The following FSTL5 variants were observed in gnomAD, a reference collection of about 807,000 sequenced individuals.
The protein encoded by FSTL5 is follistatin-related protein 5.
FSTL5 carries 62 observed loss-of-function variants against 89.1 expected under a neutral mutation model. The ratio of observed to expected loss-of-function variants is 0.70; its 90% CI spans 0.57 to 0.86. The LOEUF (loss-of-function observed/expected upper bound fraction) is 0.86, where lower values mean the gene tolerates loss of function less well. Among genes scored for constraint, FSTL5 ranks in the 40% least tolerant of loss-of-function variants. The probability of loss-of-function intolerance (pLI) is 0.00; values close to 1 mark genes in which losing one functional copy is unlikely to be tolerated. For missense variants in FSTL5, 1,057 were observed against 1,001.6 expected, an observed-to-expected ratio of 1.06 and a Z score of -0.75; for synonymous variants, 383 against 346.2, an observed-to-expected ratio of 1.11 and a Z score of -1.18.
intron 4 of FSTL5, among the ~76,000 whole-genome samples, chr4:161,843,781 C>T (rs546121188): frequency 6.6e-6 from 1 of 152,110 alleles, no homozygotes; most frequent in African/African-American, 2.4e-5. Flanking sequence ...ACACCTTTTA[C>T]AAAAATTAAC....
At chr4:161,881,226 T>C (rs1362024225) in intron 4 of FSTL5, among the ~76,000 whole-genome samples, 1 of 149,586 alleles carries the variant, frequency 6.7e-6, no homozygotes, top group Non-Finnish European at 1.5e-5. Context: ...AATATTTTAA[T>C]AAATCTAGTT....
intron 6 of FSTL5, among the ~76,000 whole-genome samples, chr4:161,736,152 T>C (rs1158586321): frequency 5.9e-5 from 9 of 152,236 alleles, no homozygotes; most frequent in Non-Finnish European, 1.0e-4. Flanking sequence ...TTGAATCCTA[T>C]CCCAACATTT....
intron 4 of FSTL5, among the ~76,000 whole-genome samples, chr4:161,851,956 G>A (rs1286348315): frequency 6.6e-6 from 1 of 151,212 alleles, no homozygotes; most frequent in Non-Finnish European, 1.5e-5. Flanking sequence ...TAATTTAATT[G>A]CATTTTGATT....
In FSTL5 at chr4:161,948,509, C is replaced by G. The variant is rs359522; in HGVS notation, c.161-27857G>C. 4.1e-5 allele frequency among the ~76,000 whole-genome samples: 4 copies of G among 96,642 alleles called. No homozygotes were observed. In the Admixed American group the frequency reaches 4.8e-4, roughly 12 times the overall value. The allele number at this position is 96,642 out of a possible 152,430, so 63.4% of individuals were successfully genotyped here. The stretch of plus-strand genomic sequence containing the variant: ...TCTTTTTTTTTTTTTTTTTTGGAGA[C>G]AGAGTCTCACTTTGTCACCCAGGCT... On this transcript the variant is annotated intron_variant, in intron 3 of 15. Transcript: ENST00000306100.
At chr4:161,938,908 G>C (rs923837320) in intron 3 of FSTL5, among the ~76,000 whole-genome samples, 4 of 151,732 alleles carry the variant, frequency 2.6e-5, no homozygotes, top group African/African-American at 9.7e-5. Context: ...GCACGGAACA[G>C]GTTTCCAGCA....
intron 4 of FSTL5, 111 bp from the exon 5 acceptor site, chr4:161,776,185 A>G (rs999918966): frequency 2.6e-5 from 15 of 573,104 alleles, no homozygotes; most frequent in Middle Eastern, 5.0e-4. Flanking sequence ...CATAATTTTT[A>G]CTTTTCTGGT....
intron 8 of FSTL5, among the ~76,000 whole-genome samples, chr4:161,549,065 T>G: frequency 6.6e-6 from 1 of 151,794 alleles, no homozygotes; most frequent in East Asian, 1.9e-4. Flanking sequence ...ATATTGTTTT[T>G]ATGAAAGTGT....
intron 2 of FSTL5, among the ~76,000 whole-genome samples, chr4:162,081,577 G>A (rs1579011747): frequency 1.3e-5 from 2 of 151,534 alleles, no homozygotes; most frequent in Admixed American, 6.6e-5. Context: ...TTTGCCATGG[G>A]AATCAAGCCA....
intron 8 of FSTL5, among the ~76,000 whole-genome samples, chr4:161,573,430 A>G (rs754862880): frequency 0.011 from 1,632 of 142,226 alleles, 31 homozygotes; most frequent in African/African-American, 0.039. Flanking sequence ...AAAAAAAAAA[A>G]AGAGAGAGAG....
chr4:161,898,148 A>G (rs919635006), intron 4 of FSTL5, among the ~76,000 whole-genome samples: 1 of 148,464 alleles, frequency 6.7e-6, no homozygotes, highest in Non-Finnish European at 1.5e-5. Context: ...AATATATTCA[A>G]TATACCATAG....
intron 2 of FSTL5, chr4:162,043,432 T>G (rs1331696293): frequency 1.3e-5 from 2 of 152,210 alleles, no homozygotes; most frequent in Non-Finnish European, 2.9e-5. Flanking sequence ...TCAAAAGTAC[T>G]TTATTGCTAA....
chr4:161,779,801 A>ACG lies in FSTL5; in HGVS notation c.410-3728_410-3727insCG, dbSNP rs1741581190. On this transcript the variant is annotated intron_variant, in intron 4 of 15. Coordinates refer to ENST00000306100, the MANE Select transcript of FSTL5 (RefSeq NM_020116.5). The stretch of plus-strand genomic sequence containing the variant: ...TATATATATATATATATATATATAT[A>ACG]TATATATATGTATATATATATATAT... Among the ~76,000 whole-genome samples, 3 of 46,408 alleles carry ACG rather than the reference A, an allele frequency of 6.5e-5. 1 individual carries two copies. The highest frequency in any genetic ancestry group is 5.8e-4 in the East Asian group (1 of 1,730). 30.4% of individuals were successfully genotyped at this position (46,408 alleles called of 152,430 possible).
At chr4:161,741,876 C>A (rs570105230) in intron 6 of FSTL5, among the ~76,000 whole-genome samples, 15 of 151,566 alleles carry the variant, frequency 9.9e-5, no homozygotes, top group Admixed American at 2.0e-4. Context: ...TTAGTAGAGA[C>A]GGTTTCACCA....
intron 15 of FSTL5, 53 bp from the exon 16 acceptor site, chr4:161,386,502 TAA>T: frequency 7.5e-7 from 1 of 1,328,058 alleles, no homozygotes; most frequent in Non-Finnish European, 1.0e-6. Context: ...TTTTTAGCCG[TAA>T]GAAAAAAACT....
At chr4:161,780,370 T>C (rs1293025880) in intron 4 of FSTL5, among the ~76,000 whole-genome samples, 1 of 152,090 alleles carries the variant, frequency 6.6e-6, no homozygotes, top group Non-Finnish European at 1.5e-5. Context: ...GATAGAATCA[T>C]TTTCTCAAGT....
At chr4:161,976,761 G>C (rs1017470535) in intron 3 of FSTL5, among the ~76,000 whole-genome samples, 1 of 152,096 alleles carries the variant, frequency 6.6e-6, no homozygotes, top group Non-Finnish European at 1.5e-5. Flanking sequence ...GATTACAGGC[G>C]TGAGCCATCG....
In FSTL5 at chr4:162,098,103, T is replaced by A. The variant is rs61154016; in HGVS notation, c.126+13168A>T. 2.5e-3 allele frequency among the ~76,000 whole-genome samples: 381 copies of A among 152,096 alleles called. 2 individuals carry two copies. Among genetic ancestry groups the A allele is most frequent in the African/African-American group, 8.6e-3 (358 of 41,562 alleles). On this transcript the variant is annotated intron_variant, in intron 2 of 15. Transcript: ENST00000306100. ...AACCAAAAAACAAAAAGCATAGTTATCTACACTGGGTAGTATTCCTCTAAC... is the reference window on the plus strand; with the variant it reads ...AACCAAAAAACAAAAAGCATAGTTAACTACACTGGGTAGTATTCCTCTAAC...
At chr4:162,048,364 C>G (rs1292697440) in intron 2 of FSTL5, among the ~76,000 whole-genome samples, 15 of 151,798 alleles carry the variant, frequency 9.9e-5, no homozygotes, top group Admixed American at 9.9e-4. Flanking sequence ...AAAAAAACAC[C>G]TATTCCCTTG....
intron 4 of FSTL5, among the ~76,000 whole-genome samples, chr4:161,860,969 GATA>G (rs1433961323): frequency 2.6e-5 from 4 of 151,814 alleles, no homozygotes; most frequent in Non-Finnish European, 5.9e-5. Flanking sequence ...TTCACAAAAA[GATA>G]ATACCTTTAA....
Sources: allele counts gnomAD v4.1 joint callset (sites outside exome capture counted in the v4.1 genomes callset), GRCh38; gene constraint gnomAD v4.1.1; transcripts MANE v1.5; gene names NCBI Gene and HGNC (gene_info 2026-07-23, HGNC 2026-07-21).